Variants in FARS2 observed in about 807,000 individuals in gnomAD.
FARS2 encodes the protein phenylalanine--tRNA ligase, mitochondrial.
A neutral mutation model predicts 46.4 loss-of-function variants in FARS2; 40 were observed. The observed-to-expected ratio is 0.86, with a 90% CI of 0.67 to 1.12. FARS2 has a LOEUF of 1.12. FARS2 is among the 50% of genes most tolerant of loss of function. The probability of loss-of-function intolerance (pLI) is 0.00; values close to 1 mark genes in which losing one functional copy is unlikely to be tolerated. For synonymous variants in FARS2, 234 were observed against 214.9 expected (o/e 1.09, Z -0.78); for missense variants, 513 against 567.9 (o/e 0.90, Z 0.98).
At chr6:5,329,307 A>G (rs1770624600) in intron 1 of FARS2, among the ~76,000 whole-genome samples, 1 of 152,174 alleles carries the variant, frequency 6.6e-6, no homozygotes, top group Admixed American at 6.5e-5. Context: ...TGTCAGAGTG[A>G]TGGTTCACAA....
intron 6 of FARS2, among the ~76,000 whole-genome samples, chr6:5,643,253 A>G (rs1237355574): frequency 6.6e-6 from 1 of 152,202 alleles, no homozygotes; most frequent in Admixed American, 6.5e-5. Flanking sequence ...ACCTTTGATC[A>G]AAACTCCTTG....
intron 1 of FARS2, among the ~76,000 whole-genome samples, chr6:5,265,318 A>G (rs1765478840): frequency 6.6e-6 from 1 of 152,158 alleles, no homozygotes; most frequent in Admixed American, 6.5e-5. Flanking sequence ...CTATTTAGAG[A>G]ACTCTTAAGT....
intron 6 of FARS2, among the ~76,000 whole-genome samples, chr6:5,638,846 C>T (rs1776672311): frequency 6.6e-6 from 1 of 152,184 alleles, no homozygotes; most frequent in African/African-American, 2.4e-5. Context: ...CTCCACTGGG[C>T]AGAGCTCAGG....
chr6:5,259,518 CTAAAAAT>C (rs1470937724), upstream of FARS2, among the ~76,000 whole-genome samples: 2 of 152,184 alleles, frequency 1.3e-5, no homozygotes, highest in Non-Finnish European at 2.9e-5. Context: ...AGGCGGGTTT[CTAAAAAT>C]TTGAGAGTCA....
chr6:5,557,353 G>T (rs1771722194), intron 5 of FARS2, among the ~76,000 whole-genome samples: 1 of 152,110 alleles, frequency 6.6e-6, no homozygotes, highest in South Asian at 2.1e-4. Flanking sequence ...ATGGTGACGG[G>T]ACCACAAGCA....
intron 1 of FARS2, among the ~76,000 whole-genome samples, chr6:5,361,966 C>T (rs2127627952): frequency 6.6e-6 from 1 of 152,296 alleles, no homozygotes; most frequent in Middle Eastern, 3.4e-3. Context: ...AACATTTATT[C>T]AGTATTTTAC....
intron 1 of FARS2, among the ~76,000 whole-genome samples, chr6:5,313,378 G>C (rs142314379): frequency 1.3e-5 from 2 of 152,192 alleles, no homozygotes; most frequent in African/African-American, 2.4e-5. Flanking sequence ...CTCCTCTGTC[G>C]TACTTAATGC....
chr6:5,378,488 GTTCTTGGGCTTCTC>G (rs1303944355), intron 2 of FARS2, among the ~76,000 whole-genome samples: 1 of 152,172 alleles, frequency 6.6e-6, no homozygotes, highest in African/African-American at 2.4e-5. Context: ...GAACCCTCCT[GTTCTTGGGCTTCTC>G]TTTCCAAGCT....
chr6:5,315,460 T>C (rs888097930), intron 1 of FARS2, among the ~76,000 whole-genome samples: 1 of 152,230 alleles, frequency 6.6e-6, no homozygotes, highest in African/African-American at 2.4e-5. Context: ...TCATAAACTG[T>C]AATGAAATTC....
At chr6:5,313,378 G>A (rs142314379) in intron 1 of FARS2, among the ~76,000 whole-genome samples, 44 of 152,192 alleles carry the variant, frequency 2.9e-4, no homozygotes, top group Non-Finnish European at 4.7e-4. Flanking sequence ...CTCCTCTGTC[G>A]TACTTAATGC....
chr6:5,392,851 T>TATATATATGTATATATAC (rs1491352831), intron 2 of FARS2, among the ~76,000 whole-genome samples: 2 of 122,246 alleles, frequency 1.6e-5, no homozygotes, highest in East Asian at 2.1e-4. Context: ...GTGTATATAT[T>TATATATATGTATATATAC]ATATGTGTGT....
At chr6:5,382,549 A>G (rs571000382) in intron 2 of FARS2, among the ~76,000 whole-genome samples, 1 of 152,308 alleles carries the variant, frequency 6.6e-6, no homozygotes, top group Non-Finnish European at 1.5e-5. Flanking sequence ...AGTCATCCAT[A>G]ATGATGTAGC....
At chr6:5,376,417 T>C (rs976890861) in intron 2 of FARS2, among the ~76,000 whole-genome samples, 3 of 152,196 alleles carry the variant, frequency 2.0e-5, no homozygotes, top group Admixed American at 2.0e-4. Context: ...GTCCATCTTA[T>C]AGCCTTCTAT....
chr6:5,268,684 C>T (rs540199247), intron 1 of FARS2, among the ~76,000 whole-genome samples: 20 of 152,214 alleles, frequency 1.3e-4, no homozygotes, highest in African/African-American at 3.1e-4. Flanking sequence ...CTTGGCAATG[C>T]GGGCTCTTTT....
At chr6:5,749,877 C>CA (rs554125501) in intron 6 of FARS2, among the ~76,000 whole-genome samples, 245 of 152,310 alleles carry the variant, frequency 1.6e-3, no homozygotes, top group African/African-American at 5.7e-3. Context: ...TGCCTCCACT[C>CA]ACGGCTGCCA....
At chr6:5,494,562 G>A (rs532668607) in intron 4 of FARS2, among the ~76,000 whole-genome samples, 1 of 152,272 alleles carries the variant, frequency 6.6e-6, no homozygotes, top group Non-Finnish European at 1.5e-5. Flanking sequence ...TTGGGAAGGT[G>A]GTCCTCCTGT....
At chr6:5,584,720 C>T (rs147395202) in intron 5 of FARS2, among the ~76,000 whole-genome samples, 2 of 152,148 alleles carry the variant, frequency 1.3e-5, no homozygotes, top group African/African-American at 2.4e-5. Context: ...CCCCAAATAG[C>T]GTTTAATGAA....
upstream of FARS2, among the ~76,000 whole-genome samples, chr6:5,259,578 T>C (rs1013485234): frequency 1.3e-5 from 2 of 152,166 alleles, no homozygotes; most frequent in African/African-American, 2.4e-5. Flanking sequence ...ACAGAGGTTG[T>C]ACTGGGCAGA....
intron 5 of FARS2, among the ~76,000 whole-genome samples, chr6:5,599,790 G>A (rs1445572160): frequency 6.6e-6 from 1 of 152,084 alleles, no homozygotes; most frequent in Admixed American, 6.5e-5. Context: ...GAAATATTAT[G>A]AACTCTGGGC....
Sources: gnomAD v4.1 joint callset for allele counts (sites outside exome capture counted in the v4.1 genomes callset) on GRCh38, gnomAD v4.1.1 for gene constraint, MANE v1.5 for transcripts, NCBI Gene and HGNC (gene_info 2026-07-23, HGNC 2026-07-21) for gene names.